The following OTUD6B variants were observed in gnomAD, a reference collection of about 807,000 sequenced individuals.
OTUD6B encodes OTU deubiquitinase 6B.
OTUD6B carries 41 observed loss-of-function variants against 36.9 expected under a neutral mutation model. The observed-to-expected ratio is 1.11, with a 90% CI of 0.87 to 1.44. OTUD6B has a LOEUF of 1.44. Ranked by LOEUF, OTUD6B falls within the 40% of genes most tolerant of loss-of-function variation. OTUD6B has a pLI of 0.00. For missense variants in OTUD6B, 356 were observed against 344.8 expected (o/e 1.03, Z -0.26); for synonymous variants, 114 against 114.2 (o/e 1.00, Z 0.01).
intron 1 of OTUD6B, 173 bp from the exon 2 acceptor site, chr8:91,070,965 T>A: frequency 1.3e-6 from 1 of 750,612 alleles, no homozygotes; most frequent in Non-Finnish European, 1.6e-6. Context: ...TTTTTTTTGG[T>A]CTCAGCTTTA....
intron 2 of OTUD6B, among the ~76,000 whole-genome samples, chr8:91,073,431 A>G (rs758066370): frequency 2.0e-5 from 3 of 152,190 alleles, no homozygotes; most frequent in Non-Finnish European, 4.4e-5. Flanking sequence ...GCTAATTAAG[A>G]TGGAAAAAGG....
At chr8:91,076,460 G>T in intron 3 of OTUD6B, 2 of 1,443,600 alleles carry the variant, frequency 1.4e-6, no homozygotes, top group Non-Finnish European at 1.8e-6. Context: ...GGAAAAAAAT[G>T]AAATGATTAG....
chr8:91,070,381 C>A lies in OTUD6B; in HGVS notation c.-4C>A. The A allele has an allele frequency of 6.2e-7, 1 of 1,610,104 alleles. No individual in the cohort carries two copies. The highest frequency in any genetic ancestry group is 8.5e-7 in the Non-Finnish European group (1 of 1,178,226). ...TAGCGCGTGTGCTGGGGTACCTGGT[C>A]GTCATGGAGGCGGTATTGACCGAAG... is the stretch of plus-strand genomic sequence containing the variant. On this transcript the variant is annotated 5_prime_UTR_variant, in exon 1 of 7. Transcript: ENST00000404789.
At position 91,085,038 on chromosome 8, in the gene OTUD6B, C is replaced by T; in HGVS notation, c.*170C>T. On this transcript the variant is annotated 3_prime_UTR_variant, in exon 7 of 7. Coordinates refer to ENST00000404789, the MANE Select transcript of OTUD6B (RefSeq NM_016023.5). The stretch of plus-strand genomic sequence containing the variant: ...AAATATGTCAGAGATAAACTTTAAC[C>T]AGTGTCTTCTTAGTGGAATTTTAAA... 1 of 373,398 alleles carries T rather than the reference C, an allele frequency of 2.7e-6. No individual in the cohort carries two copies. Among genetic ancestry groups the T allele is most frequent in the Middle Eastern group, 6.5e-4 (1 of 1,550 alleles). The allele number at this position is 373,398 out of a possible 1,614,324, so 23.1% of individuals were successfully genotyped here.
intron 3 of OTUD6B, chr8:91,076,631 C>T: frequency 1.4e-5 from 22 of 1,531,924 alleles, no homozygotes; most frequent in Non-Finnish European, 1.8e-5. Context: ...GTCCTTGGTC[C>T]CTGCTCTGCT....
In OTUD6B at chr8:91,084,038, C is replaced by A; in HGVS notation, c.721C>A (p.Pro241Thr). The change falls in exon 6 of 7, where the codon CCA (proline) becomes ACA (threonine). Residue 241 changes from proline to threonine, a missense_variant. Coordinates refer to ENST00000404789, the MANE Select transcript of OTUD6B (RefSeq NM_016023.5). ...AGCTCTGTCTCACATTTTACAAACA[C>A]CAATAGAGATAATACAGGCAGATTC... is the stretch of plus-strand genomic sequence containing the variant. ...LRALSHILQT[P>T]IEIIQADSPP... 1 of 1,579,478 alleles carries A rather than the reference C, an allele frequency of 6.3e-7. No homozygotes were observed. Among genetic ancestry groups the A allele is most frequent in the Non-Finnish European group, 8.6e-7 (1 of 1,161,264 alleles).
chr8:91,084,148 T>G (rs747604065), intron 6 of OTUD6B, 34 bp downstream of exon 6: 22 of 1,173,370 alleles, frequency 1.9e-5, no homozygotes, highest in Admixed American at 2.5e-5. Flanking sequence ...GTTTTATTTT[T>G]CACAATTAAT....
chr8:91,077,721 T>C (rs1168910195), intron 3 of OTUD6B, among the ~76,000 whole-genome samples: 1 of 152,038 alleles, frequency 6.6e-6, no homozygotes, highest in Admixed American at 6.6e-5. Context: ...TTCAAGAGTA[T>C]ACCATATTTA....
intron 1 of OTUD6B, among the ~76,000 whole-genome samples, chr8:91,070,806 T>C (rs559465402): frequency 6.6e-6 from 1 of 152,078 alleles, no homozygotes; most frequent in South Asian, 2.1e-4. Context: ...TTGTCCCTAA[T>C]GGGTGTATTT....
rs2130451781 is a variant in OTUD6B, at chr8:91,086,792, A to G, written c.*1924A>G. The G allele has an allele frequency of 6.6e-6, 1 of 152,216 alleles. No homozygotes were observed. The highest frequency in any genetic ancestry group is 2.1e-4 in the South Asian group (1 of 4,830). The allele number at this position is 152,216 out of a possible 1,614,324, so 9.4% of individuals were successfully genotyped here. ...ACTTCAGATAAATATCATTTTAGCTATAACCTAAAAAAGTGTTTAAATAAA... is the reference window on the plus strand; with the variant it reads ...ACTTCAGATAAATATCATTTTAGCTGTAACCTAAAAAAGTGTTTAAATAAA... On this transcript the variant is annotated 3_prime_UTR_variant, in exon 7 of 7. Transcript: ENST00000404789.
chr8:91,080,789 T>C, intron 5 of OTUD6B, 59 bp downstream of exon 5: 1 of 1,294,480 alleles, frequency 7.7e-7, no homozygotes, highest in Non-Finnish European at 1.1e-6. Flanking sequence ...AAATCCCTTC[T>C]GTAGTTTTTA....
intron 4 of OTUD6B, among the ~76,000 whole-genome samples, chr8:91,079,902 C>T (rs1368172137): frequency 1.3e-5 from 2 of 152,092 alleles, no homozygotes; most frequent in East Asian, 1.9e-4. Context: ...CTGTTCTGAA[C>T]GCTGAGGATT....
intron 3 of OTUD6B, among the ~76,000 whole-genome samples, chr8:91,077,739 G>A (rs949755707): frequency 1.3e-5 from 2 of 152,030 alleles, no homozygotes; most frequent in South Asian, 4.1e-4. Flanking sequence ...TTATTAAAAT[G>A]AATGGAAAAA....
intron 1 of OTUD6B, chr8:91,070,908 C>T: frequency 2.6e-6 from 1 of 383,484 alleles, no homozygotes; most frequent in Non-Finnish European, 3.6e-6. Flanking sequence ...TCTCTTATCT[C>T]GCCAAACAAC....
chr8:91,073,822 T>G lies in OTUD6B; in HGVS notation c.235-9T>G. ...ACATTGACTTGTTAATGCTTTTTGT[T>G]TCCTTCAGATAGATTCTGTTGCTGT... On this transcript the variant is annotated splice_polypyrimidine_tract_variant and intron_variant, in intron 2 of 6. Transcript: ENST00000404789. 3 of 1,566,736 alleles carry G rather than the reference T, an allele frequency of 1.9e-6. No individual in the cohort carries two copies. Among genetic ancestry groups the G allele is most frequent in the Non-Finnish European group, 2.6e-6 (3 of 1,153,900 alleles).
At chr8:91,084,681 A>T in intron 6 of OTUD6B, 103 bp from the exon 7 acceptor site, 1 of 1,171,420 alleles carries the variant, frequency 8.5e-7, no homozygotes, top group Non-Finnish European at 1.1e-6. Flanking sequence ...ATGTGGACTG[A>T]GTCATTCAGA....
intron 3 of OTUD6B, among the ~76,000 whole-genome samples, chr8:91,074,892 A>G (rs569457601): frequency 2.7e-4 from 41 of 151,808 alleles, no homozygotes; most frequent in African/African-American, 8.5e-4. Context: ...TTTCACATCT[A>G]TAAAACGGGG....
chr8:91,081,672 A>G (rs1277021801), intron 5 of OTUD6B, among the ~76,000 whole-genome samples: 1 of 152,188 alleles, frequency 6.6e-6, no homozygotes, highest in Non-Finnish European at 1.5e-5. Flanking sequence ...CCTAGGCAGT[A>G]CGATTAGTAA....
intron 1 of OTUD6B, 80 bp downstream of exon 1, chr8:91,070,546 C>G (rs1014386086): frequency 7.5e-7 from 1 of 1,325,528 alleles, no homozygotes; most frequent in Non-Finnish European, 1.1e-6. Context: ...TGGGGAATCT[C>G]AAGGCGTGAC....
Sources: allele counts gnomAD v4.1 joint callset (sites outside exome capture counted in the v4.1 genomes callset), GRCh38; gene constraint gnomAD v4.1.1; transcripts MANE v1.5; gene names NCBI Gene and HGNC (gene_info 2026-07-23, HGNC 2026-07-21).